DEPDC5: variants seen among roughly 807,000 people sequenced by gnomAD.
The protein encoded by DEPDC5 is GATOR1 complex protein DEPDC5.
DEPDC5 carries 73 observed loss-of-function variants against 217.3 expected under a neutral mutation model. The ratio of observed to expected loss-of-function variants is 0.34; its 90% CI spans 0.28 to 0.41. DEPDC5 has a LOEUF of 0.41. Ranked by LOEUF, DEPDC5 falls within the 10% of genes least tolerant of loss-of-function variation. The pLI, the probability that DEPDC5 is intolerant of heterozygous loss-of-function variation, is 1.00. For missense variants in DEPDC5, 1,675 were observed against 2,070.1 expected (o/e 0.81, Z 3.70); for synonymous variants, 733 against 756.7 (o/e 0.97, Z 0.51).
chr22:31,798,469 G>C (rs1601933911), intron 13 of DEPDC5, 113 bp from the exon 14 acceptor site: 1 of 834,736 alleles, frequency 1.2e-6, no homozygotes, highest in Non-Finnish European at 1.8e-6. Flanking sequence ...AGTGAGCCAA[G>C]ATTGTGCTGC....
intron 2 of DEPDC5, 120 bp downstream of exon 2, chr22:31,755,099 C>A: frequency 9.0e-7 from 1 of 1,111,674 alleles, no homozygotes. Flanking sequence ...ACTAAACAGA[C>A]TAAAGCAGCA....
At chr22:31,846,738 C>T (rs1036671328) in intron 30 of DEPDC5, 96 bp from the exon 31 acceptor site, 26 of 1,568,528 alleles carry the variant, frequency 1.7e-5, no homozygotes, top group Admixed American at 6.9e-5. Context: ...ATGGGATTCC[C>T]GGGGCCTGGG....
rs191314881 is a variant in DEPDC5, at chr22:31,764,921, T to C, written c.194-54T>C. 12 of 1,361,940 alleles carry C rather than the reference T, an allele frequency of 8.8e-6. No homozygotes were observed. The African/African-American group carries it at 1.0e-4, about 11-fold the overall frequency. The allele number at this position is 1,361,940 out of a possible 1,614,324, so 84.4% of individuals were successfully genotyped here. On this transcript the variant is annotated intron_variant, in intron 4 of 42. Coordinates refer to ENST00000651528, the MANE Select transcript of DEPDC5 (RefSeq NM_001242896.3). ...TTGAGTGTTTATAGATTAGAATATA[T>C]GGATCTGCTTTTTCAAAATATGTTA...
chr22:31,772,374 G>A (rs2083440535), intron 7 of DEPDC5, among the ~76,000 whole-genome samples: 1 of 152,174 alleles, frequency 6.6e-6, no homozygotes, highest in African/African-American at 2.4e-5. Context: ...ATCTCTACTG[G>A]ATGGGTATCC....
chr22:31,760,535 C>T (rs886660198), intron 3 of DEPDC5, 121 bp from the exon 4 acceptor site: 5 of 808,394 alleles, frequency 6.2e-6, no homozygotes, highest in East Asian at 2.6e-5. Flanking sequence ...AGCTTTCTCC[C>T]GTTGTTGTGC....
intron 26 of DEPDC5, among the ~76,000 whole-genome samples, chr22:31,838,121 C>G (rs564486510): frequency 5.9e-5 from 9 of 151,998 alleles, no homozygotes; most frequent in Admixed American, 5.9e-4. Context: ...GATGTTTATT[C>G]TCATATTTTC....
At chr22:31,767,776 T>G (rs2082947558) in intron 6 of DEPDC5, among the ~76,000 whole-genome samples, 1 of 151,586 alleles carries the variant, frequency 6.6e-6, no homozygotes, top group Non-Finnish European at 1.5e-5. Flanking sequence ...AGACAGAGTC[T>G]CGCTCTGTCA....
intron 21 of DEPDC5, chr22:31,817,469 A>G: frequency 2.1e-6 from 1 of 477,976 alleles, no homozygotes; most frequent in South Asian, 1.5e-5. Context: ...TGATGGCCTG[A>G]GCAGTTTCAT....
intron 34 of DEPDC5, among the ~76,000 whole-genome samples, chr22:31,871,136 C>G (rs2092830966): frequency 1.3e-5 from 2 of 152,060 alleles, no homozygotes; most frequent in African/African-American, 4.8e-5. Flanking sequence ...CCAAACATGA[C>G]TGTTCTTCTT....
intron 10 of DEPDC5, among the ~76,000 whole-genome samples, chr22:31,789,022 A>T (rs180700553): frequency 4.4e-4 from 67 of 152,096 alleles, no homozygotes; most frequent in Admixed American, 2.4e-3. Flanking sequence ...TCAGCCTGCC[A>T]AGTAGCTGGG....
At chr22:31,862,073 T>A (rs1017475342) in intron 33 of DEPDC5, among the ~76,000 whole-genome samples, 1 of 151,992 alleles carries the variant, frequency 6.6e-6, no homozygotes, top group East Asian at 1.9e-4. Context: ...AAACCCCATC[T>A]CTACTAAAAA....
chr22:31,856,277 GC>G (rs1308784485), intron 31 of DEPDC5, among the ~76,000 whole-genome samples: 1 of 151,180 alleles, frequency 6.6e-6, no homozygotes, highest in Non-Finnish European at 1.5e-5. Context: ...GGCAGCCCAT[GC>G]AGCTGGGGCT....
At chr22:31,852,339 ATTTTTT>A (rs71320909) in intron 31 of DEPDC5, among the ~76,000 whole-genome samples, 2 of 125,962 alleles carry the variant, frequency 1.6e-5, no homozygotes, top group African/African-American at 6.1e-5. Context: ...ATTTATTACT[ATTTTTT>A]TTTTTTTTTT....
intron 34 of DEPDC5, 108 bp from the exon 35 acceptor site, chr22:31,873,147 A>C (rs760054837): frequency 1.3e-6 from 2 of 1,589,228 alleles, no homozygotes; most frequent in Non-Finnish European, 1.7e-6. Context: ...TAGTGTCAAC[A>C]TTGTCCTGGT....
At chr22:31,832,126 A>G (rs183602735) in intron 24 of DEPDC5, among the ~76,000 whole-genome samples, 17 of 152,380 alleles carry the variant, frequency 1.1e-4, no homozygotes, top group African/African-American at 3.1e-4. Flanking sequence ...ATTGCTGAGT[A>G]GTATTCCATT....
At chr22:31,792,965 G>C (rs1477957998) in intron 12 of DEPDC5, 148 bp downstream of exon 12, 2 of 529,032 alleles carry the variant, frequency 3.8e-6, no homozygotes, top group African/African-American at 2.1e-5. Context: ...AGCTACTTGG[G>C]AGGCTGAGGT....
intron 33 of DEPDC5, among the ~76,000 whole-genome samples, chr22:31,867,777 T>G (rs569795686): frequency 6.6e-6 from 1 of 152,146 alleles, no homozygotes; most frequent in Non-Finnish European, 1.5e-5. Context: ...GGACAACTCT[T>G]TAACCACCCC....
chr22:31,796,930 C>T (rs1009859723), intron 12 of DEPDC5, among the ~76,000 whole-genome samples: 28 of 151,638 alleles, frequency 1.8e-4, no homozygotes. Context: ...CTCCTGACCA[C>T]CTTATCCACC....
intron 37 of DEPDC5, among the ~76,000 whole-genome samples, chr22:31,877,695 A>G (rs1351407236): frequency 2.4e-5 from 2 of 84,706 alleles, no homozygotes; most frequent in African/African-American, 9.4e-5. Flanking sequence ...GGTTGCAGTA[A>G]GATGAGATCA....
Sources: gnomAD v4.1 joint callset for allele counts (sites outside exome capture counted in the v4.1 genomes callset) on GRCh38, gnomAD v4.1.1 for gene constraint, MANE v1.5 for transcripts, NCBI Gene and HGNC (gene_info 2026-07-23, HGNC 2026-07-21) for gene names.